The following ACTR10 variants were observed in gnomAD, a reference collection of about 807,000 sequenced individuals.
The protein encoded by ACTR10 is actin related protein 10.
In ACTR10, 43 loss-of-function variants were observed where a neutral mutation model predicts 56.2. The ratio of observed to expected loss-of-function variants is 0.77; its 90% CI spans 0.60 to 0.99. The LOEUF is 0.99. Among genes scored for constraint, ACTR10 ranks in the 50% least tolerant of loss-of-function variants. ACTR10 has a pLI of 0.00. For missense variants in ACTR10, 466 were observed against 507.8 expected (o/e 0.92, Z 0.79); for synonymous variants, 170 against 176.3 (o/e 0.96, Z 0.28).
intron 4 of ACTR10, 39 bp from the exon 5 acceptor site, chr14:58,211,253 T>C: frequency 7.0e-7 from 1 of 1,420,710 alleles, no homozygotes; most frequent in Admixed American, 1.7e-5. Flanking sequence ...ATAATGACAC[T>C]CATTCCGGTT....
In ACTR10 at chr14:58,234,375, A is replaced by C. The variant is rs536182412; in HGVS notation, c.1078A>C (p.Ile360Leu). The change falls in exon 13 of 13, where the codon ATT (isoleucine) becomes CTT (leucine). Residue 360 changes from isoleucine (I) to leucine (L), a missense_variant. Ile to Leu is a conservative substitution (Grantham distance 5). Coordinates refer to ENST00000254286, the MANE Select transcript of ACTR10 (RefSeq NM_018477.3). ...ANCVAWLGGAIFGALQDILGS... is the reference protein window; with the variant it reads ...ANCVAWLGGALFGALQDILGS... ...AAAATATTTTTGTCACACAGGGGCT[A>C]TTTTTGGAGCATTACAAGATATACT... The C allele has an allele frequency of 6.4e-7, 1 of 1,554,396 alleles. No homozygotes were observed.
intron 6 of ACTR10, among the ~76,000 whole-genome samples, chr14:58,213,927 G>A (rs946524556): frequency 6.6e-6 from 1 of 152,114 alleles, no homozygotes; most frequent in Non-Finnish European, 1.5e-5. Flanking sequence ...AGGTACCTGG[G>A]ATGTTTTGAT....
rs1233969292 is a variant in ACTR10, at chr14:58,230,490, CT to C, written c.870+12del. On this transcript the variant is annotated intron_variant, in intron 11 of 12. Coordinates refer to ENST00000254286, the MANE Select transcript of ACTR10 (RefSeq NM_018477.3). ...GGATTCCCTTATACAGGTATTTTAT[CT>C]TGTCAAAAAATTCCCTTTATTACCA... 1 of 1,452,740 alleles carries C rather than the reference CT, an allele frequency of 6.9e-7. No homozygotes were observed. The highest frequency in any genetic ancestry group is 9.2e-7 in the Non-Finnish European group (1 of 1,090,024). The allele number at this position is 1,452,740 out of a possible 1,614,324, so 90.0% of individuals were successfully genotyped here. A position where few individuals can be genotyped will look rare whatever the true frequency, so the allele number is the denominator to read the frequency against.
intron 11 of ACTR10, among the ~76,000 whole-genome samples, chr14:58,230,903 G>A (rs1477884689): frequency 6.6e-6 from 1 of 151,928 alleles, no homozygotes; most frequent in Non-Finnish European, 1.5e-5. Context: ...TGGGATTACA[G>A]GCACCCACCA....
chr14:58,205,348 T>G (rs1359171853), intron 2 of ACTR10, among the ~76,000 whole-genome samples: 1 of 143,468 alleles, frequency 7.0e-6, no homozygotes, highest in Non-Finnish European at 1.5e-5. Context: ...GGAGTCTTGC[T>G]CTGTCGCCCA....
intron 4 of ACTR10, among the ~76,000 whole-genome samples, chr14:58,209,719 G>T (rs553130334): frequency 7.2e-5 from 11 of 152,022 alleles, no homozygotes; most frequent in Non-Finnish European, 1.6e-4. Flanking sequence ...TTTAAGATTA[G>T]TATATTTCAT....
In ACTR10 at chr14:58,218,349, T is replaced by A. The variant is rs192070510; in HGVS notation, c.599-1345T>A. ...CTTAAAGATAGGAAATCTTCAAAAA[T>A]TTTTTATCATGTACTGGCCCCACAG... On this transcript the variant is annotated intron_variant, in intron 7 of 12. Transcript: ENST00000254286. Among the ~76,000 whole-genome samples the A allele has an allele frequency of 4.1e-3, 621 of 152,280 alleles. 1 individual carries two copies. The highest frequency in any genetic ancestry group is 0.014 in the Middle Eastern group (4 of 294).
chr14:58,229,646 C>A (rs943407531), intron 10 of ACTR10, among the ~76,000 whole-genome samples: 20 of 149,448 alleles, frequency 1.3e-4, no homozygotes, highest in Non-Finnish European at 2.2e-4. Flanking sequence ...CCACTGCACT[C>A]CAGCCGGGGC....
intron 5 of ACTR10, among the ~76,000 whole-genome samples, chr14:58,211,743 G>A (rs7157304): frequency 0.75 from 113,787 of 151,850 alleles, 43,492 homozygotes; most frequent in Middle Eastern, 0.89. Flanking sequence ...GAGTATGTTC[G>A]ATCCAGAAAG....
At chr14:58,212,135 C>A (rs2072422114) in intron 5 of ACTR10, among the ~76,000 whole-genome samples, 1 of 152,010 alleles carries the variant, frequency 6.6e-6, no homozygotes, top group South Asian at 2.1e-4. Flanking sequence ...GCCTCAGTTT[C>A]TTTATCTATA....
At chr14:58,229,126 A>G (rs1457144635) in intron 10 of ACTR10, among the ~76,000 whole-genome samples, 1 of 152,136 alleles carries the variant, frequency 6.6e-6, no homozygotes, top group African/African-American at 2.4e-5. Context: ...CAGTCACTAC[A>G]ACAATGGAGA....
intron 10 of ACTR10, among the ~76,000 whole-genome samples, chr14:58,229,790 G>A (rs1490802431): frequency 1.3e-5 from 2 of 151,194 alleles, no homozygotes; most frequent in African/African-American, 4.9e-5. Flanking sequence ...GTATATATAT[G>A]TATATATCAA....
chr14:58,209,458 A>G (rs1309238078), intron 4 of ACTR10, among the ~76,000 whole-genome samples: 4 of 152,052 alleles, frequency 2.6e-5, no homozygotes, highest in African/African-American at 9.7e-5. Context: ...TTTATTCAGA[A>G]TTAAAAGGTA....
At position 58,209,119 on chromosome 14, in the gene ACTR10, T is replaced by C. The variant is rs761598148; in HGVS notation, c.342+12T>C. 1.3e-6 allele frequency: 2 copies of C among 1,484,058 alleles called. No homozygotes were observed. Among genetic ancestry groups the C allele is most frequent in the African/African-American group, 2.8e-5 (2 of 70,802 alleles). 91.9% of individuals were successfully genotyped at this position (1,484,058 alleles called of 1,614,324 possible). ...TCAAATATTTTGAGGTACCTGTCTT[T>C]ATATCAAATAAGTAAATTGCTTTTG... On this transcript the variant is annotated intron_variant, in intron 4 of 12. Transcript: ENST00000254286.
intron 1 of ACTR10, among the ~76,000 whole-genome samples, chr14:58,202,348 G>A (rs1237101309): frequency 1.3e-5 from 2 of 151,882 alleles, no homozygotes; most frequent in African/African-American, 4.8e-5. Flanking sequence ...TTGGGAGGCC[G>A]ACGCGGGCGG....
chr14:58,211,288 C>A lies in ACTR10; in HGVS notation c.343-4C>A, dbSNP rs1211340195. On this transcript the variant is annotated splice_region_variant and splice_polypyrimidine_tract_variant and intron_variant, in intron 4 of 12. Transcript: ENST00000254286. ...TTTGTTGTATTGATTTTGTTATTTTCTAGGTTCCATCTGTCTTGCTTGCTC... is the reference window on the plus strand; with the variant it reads ...TTTGTTGTATTGATTTTGTTATTTTATAGGTTCCATCTGTCTTGCTTGCTC... 2 of 1,604,964 alleles carry A rather than the reference C, an allele frequency of 1.2e-6. No homozygotes were observed. The highest frequency in any genetic ancestry group is 1.7e-5 in the Admixed American group (1 of 59,636).
At chr14:58,210,963 C>T in intron 4 of ACTR10, 1 of 200,722 alleles carries the variant, frequency 5.0e-6, no homozygotes, top group Non-Finnish European at 1.0e-5. Context: ...GCGTGAGCCT[C>T]TGTGCCCAGC....
At chr14:58,206,225 G>A (rs946745719) in intron 2 of ACTR10, among the ~76,000 whole-genome samples, 2 of 151,438 alleles carry the variant, frequency 1.3e-5, no homozygotes, top group African/African-American at 4.9e-5. Context: ...ACCCAGGCAG[G>A]AGTGCAGTAT....
intron 7 of ACTR10, among the ~76,000 whole-genome samples, chr14:58,218,737 A>G (rs1889194029): frequency 6.6e-6 from 1 of 152,196 alleles, no homozygotes. Context: ...TTTTTCAGCT[A>G]TAGATGTCTA....
Sources: gnomAD v4.1 joint callset for allele counts (sites outside exome capture counted in the v4.1 genomes callset) on GRCh38, gnomAD v4.1.1 for gene constraint, MANE v1.5 for transcripts, NCBI Gene and HGNC (gene_info 2026-07-23, HGNC 2026-07-21) for gene names.